ADGRL2: variants seen among roughly 807,000 people sequenced by gnomAD.
ADGRL2 encodes the protein calcium-independent alpha-latrotoxin receptor 2.
A neutral mutation model predicts 157.4 loss-of-function variants in ADGRL2; 44 were observed. The observed-to-expected ratio is 0.28, with a 90% CI of 0.22 to 0.36. The LOEUF (loss-of-function observed/expected upper bound fraction) is 0.36. Ranked by LOEUF, ADGRL2 falls within the 10% of genes least tolerant of loss-of-function variation. The pLI is 1.00. For missense variants in ADGRL2, 1,510 were observed against 1,768.9 expected, an observed-to-expected ratio of 0.85 and a Z score of 2.63; for synonymous variants, 585 against 624.7, an observed-to-expected ratio of 0.94 and a Z score of 0.95.
intron 2 of ADGRL2, chr1:81,502,679 A>G: frequency 1.2e-6 from 2 of 1,613,662 alleles, no homozygotes; most frequent in African/African-American, 1.3e-5. Context: ...TACATGAAGT[A>G]TCTGTATGCC....
chr1:81,960,711 G>A (rs543521012), intron 11 of ADGRL2, among the ~76,000 whole-genome samples: 31 of 152,142 alleles, frequency 2.0e-4, no homozygotes, highest in Middle Eastern at 3.2e-3. Context: ...CTGATCAGGT[G>A]ATCCACCTAC....
intron 2 of ADGRL2, among the ~76,000 whole-genome samples, chr1:81,839,946 A>G (rs1305570099): frequency 6.9e-6 from 1 of 145,736 alleles, no homozygotes; most frequent in Non-Finnish European, 1.5e-5. Flanking sequence ...TATATATAAT[A>G]TATATATAAA....
chr1:81,851,885 A>G (rs2093024162), intron 2 of ADGRL2, among the ~76,000 whole-genome samples: 1 of 151,914 alleles, frequency 6.6e-6, no homozygotes, highest in Non-Finnish European at 1.5e-5. Flanking sequence ...TTCTATGTTT[A>G]GTAGAAATTG....
intron 1 of ADGRL2, among the ~76,000 whole-genome samples, chr1:81,438,821 A>C (rs557982064): frequency 4.3e-4 from 66 of 152,280 alleles, no homozygotes; most frequent in African/African-American, 1.5e-3. Context: ...TCTATTACTC[A>C]GGATGAAGTC....
At chr1:81,412,055 T>C (rs1210558740) in intron 1 of ADGRL2, among the ~76,000 whole-genome samples, 1 of 152,144 alleles carries the variant, frequency 6.6e-6, no homozygotes, top group Non-Finnish European at 1.5e-5. Context: ...AGAAATTATT[T>C]CTACCAAATA....
chr1:81,448,268 C>T, intron 2 of ADGRL2, among the ~76,000 whole-genome samples: 1 of 150,524 alleles, frequency 6.6e-6, no homozygotes, highest in East Asian at 2.0e-4. Flanking sequence ...GTCTCAGCCT[C>T]CAGAGTAACT....
Position 81,866,245 on chromosome 1 carries a change from T to A in ADGRL2, c.73+29188T>A, listed in dbSNP as rs538464424. 2.0e-4 allele frequency among the ~76,000 whole-genome samples: 30 copies of A among 152,312 alleles called. No homozygotes were observed. The South Asian group carries it at 5.8e-3, about 29-fold the overall frequency. ...GCATCCTTTAGGCCTTGGTTCTAAT[T>A]AATGTCAACCCCAGAGAGGCTTTTC... On this transcript the variant is annotated intron_variant, in intron 2 of 23. Coordinates refer to ENST00000686636, the MANE Select transcript of ADGRL2 (RefSeq NM_001366006.2).
intron 1 of ADGRL2, among the ~76,000 whole-genome samples, chr1:81,427,782 C>G (rs923528594): frequency 6.6e-6 from 1 of 152,098 alleles, no homozygotes; most frequent in African/African-American, 2.4e-5. Context: ...AAACAGGAAA[C>G]CTTCTTGTTC....
chr1:81,388,898 T>C (rs764455699), intron 1 of ADGRL2, among the ~76,000 whole-genome samples: 5 of 152,172 alleles, frequency 3.3e-5, no homozygotes, highest in African/African-American at 4.8e-5. Context: ...CTTTTGAGGA[T>C]TGGGGCTTTT....
chr1:81,427,685 G>A (rs1338153339), intron 1 of ADGRL2: 1 of 472,672 alleles, frequency 2.1e-6, no homozygotes, highest in Non-Finnish European at 3.9e-6. Flanking sequence ...AGGTTACTTT[G>A]AGACAGTCAT....
At chr1:81,627,039 C>T (rs913294887) in intron 3 of ADGRL2, among the ~76,000 whole-genome samples, 5 of 152,064 alleles carry the variant, frequency 3.3e-5, no homozygotes, top group Non-Finnish European at 7.4e-5. Context: ...ACACATCCCA[C>T]TTCAAAGGGT....
chr1:81,885,138 G>A (rs1408774063), intron 2 of ADGRL2, among the ~76,000 whole-genome samples: 1 of 152,126 alleles, frequency 6.6e-6, no homozygotes. Context: ...CGAATAAATA[G>A]AAGTAAGGAG....
intron 3 of ADGRL2, among the ~76,000 whole-genome samples, chr1:81,685,060 A>G (rs1157626100): frequency 6.6e-6 from 1 of 152,124 alleles, no homozygotes; most frequent in African/African-American, 2.4e-5. Context: ...GTTTGAAATC[A>G]GGTTGTGTGA....
At position 81,567,711 on chromosome 1, in the gene ADGRL2, A is replaced by C. The variant is rs531348994; in HGVS notation, c.-247-13165A>C. Among the ~76,000 whole-genome samples, 130 of 152,254 alleles carry C rather than the reference A, an allele frequency of 8.5e-4. 1 individual carries two copies. Among genetic ancestry groups the C allele is most frequent in the African/African-American group, 3.0e-3 (126 of 41,560 alleles). ...AATGAAGTAAGTGGAAAAGAGCATA[A>C]AAATGTTAAAATGCTTTTTACACAA... On this transcript the variant is annotated intron_variant, in intron 2 of 24. Coordinates refer to the ADGRL2 transcript ENST00000370721.
At chr1:81,727,326 G>A (rs2084564897) in intron 1 of ADGRL2, among the ~76,000 whole-genome samples, 1 of 152,106 alleles carries the variant, frequency 6.6e-6, no homozygotes, top group Admixed American at 6.5e-5. Context: ...CCGTCACACA[G>A]AAACAACTAC....
At chr1:81,678,278 C>CA (rs1230065475) in intron 3 of ADGRL2, among the ~76,000 whole-genome samples, 1 of 152,068 alleles carries the variant, frequency 6.6e-6, no homozygotes, top group South Asian at 2.1e-4. Flanking sequence ...TTGAGAACAA[C>CA]AAAAAAATCG....
chr1:81,568,393 C>G (rs2080610942), intron 2 of ADGRL2, among the ~76,000 whole-genome samples: 1 of 152,134 alleles, frequency 6.6e-6, no homozygotes, highest in South Asian at 2.1e-4. Context: ...TCCTATTAAT[C>G]CCATCTAGCT....
chr1:81,821,106 G>A (rs1280635049), intron 1 of ADGRL2, among the ~76,000 whole-genome samples: 1 of 152,094 alleles, frequency 6.6e-6, no homozygotes, highest in Non-Finnish European at 1.5e-5. Context: ...AATTAAATAT[G>A]GTTGTCAATA....
At chr1:81,593,311 G>T (rs530490962) in intron 3 of ADGRL2, among the ~76,000 whole-genome samples, 1 of 152,118 alleles carries the variant, frequency 6.6e-6, no homozygotes, top group African/African-American at 2.4e-5. Context: ...CCCTAGAGAC[G>T]AGCTGCTTCA....
Sources: gnomAD v4.1 joint callset for allele counts (sites outside exome capture counted in the v4.1 genomes callset) on GRCh38, gnomAD v4.1.1 for gene constraint, MANE v1.5 for transcripts, NCBI Gene and HGNC (gene_info 2026-07-23, HGNC 2026-07-21) for gene names.